The following FPGS variants were observed in gnomAD, a reference collection of about 807,000 sequenced individuals.
FPGS encodes the protein folylpolyglutamate synthase, also known as folylpolyglutamate synthase, mitochondrial.
Under a neutral mutation model 66.5 loss-of-function variants are expected in FPGS, and 53 were observed. That is an observed-to-expected ratio of 0.80 (90% confidence interval 0.64 to 1.00). The LOEUF (loss-of-function observed/expected upper bound fraction) is 1.00, where lower values mean the gene tolerates loss of function less well. FPGS is among the 50% of genes least tolerant of loss of function. The probability of loss-of-function intolerance (pLI) is 0.00; values close to 1 mark genes in which losing one functional copy is unlikely to be tolerated. For missense variants in FPGS, 702 were observed against 807.7 expected (o/e 0.87, Z 1.59); for synonymous variants, 348 against 350.9 (o/e 0.99, Z 0.09).
chr9:127,809,848 C>G lies in FPGS; in HGVS notation c.1211+14C>G. On this transcript the variant is annotated intron_variant, in intron 12 of 14. Transcript: ENST00000373247. Reference sequence around the variant, plus strand: ...GAGGCCGAGCGGGTGAGGGGCAGGGCTGGGGGTGGGGCCGGGGCTGGCCCA... The same window carrying G: ...GAGGCCGAGCGGGTGAGGGGCAGGGGTGGGGGTGGGGCCGGGGCTGGCCCA... 1 of 934,416 alleles carries G rather than the reference C, an allele frequency of 1.1e-6. No individual in the cohort carries two copies. Among genetic ancestry groups the G allele is most frequent in the Non-Finnish European group, 1.5e-6 (1 of 681,036 alleles). 57.9% of individuals were successfully genotyped at this position (934,416 alleles called of 1,614,324 possible).
Position 127,813,947 on chromosome 9 carries a change from C to T in FPGS, c.*343C>T. Reference sequence around the variant, plus strand: ...GCCAGGCCCTGGGTCTTGCCATGTGCTGGGTGGTAGATTTCCTCCTCCCAG... The same window carrying T: ...GCCAGGCCCTGGGTCTTGCCATGTGTTGGGTGGTAGATTTCCTCCTCCCAG... On this transcript the variant is annotated 3_prime_UTR_variant, in exon 15 of 15. Transcript: ENST00000373247. 9.1e-7 allele frequency: 1 copy of T among 1,102,128 alleles called. No homozygotes were observed. The highest frequency in any genetic ancestry group is 1.1e-6 in the Non-Finnish European group (1 of 905,940). The allele number at this position is 1,102,128 out of a possible 1,614,324, so 68.3% of individuals were successfully genotyped here. A position where few individuals can be genotyped will look rare whatever the true frequency, so the allele number is the denominator to read the frequency against.
chr9:127,814,152 A>T, downstream of FPGS: 1 of 985,968 alleles, frequency 1.0e-6, no homozygotes, highest in Non-Finnish European at 1.2e-6. Flanking sequence ...TGCACTGTGT[A>T]GAGGGAGCCT....
In FPGS at chr9:127,808,909, C is replaced by A; in HGVS notation, c.1060+20C>A. The A allele has an allele frequency of 6.5e-7, 1 of 1,534,898 alleles. No individual in the cohort carries two copies. The highest frequency in any genetic ancestry group is 8.8e-7 in the Non-Finnish European group (1 of 1,132,488). The stretch of plus-strand genomic sequence containing the variant: ...GGCTCGGTGAGTTAGACCTTCCTGC[C>A]CAGCTGGGACCACTGCGTGTGTCTG... On this transcript the variant is annotated intron_variant, in intron 11 of 14. Coordinates refer to ENST00000373247, the MANE Select transcript of FPGS (RefSeq NM_004957.6).
Position 127,808,723 on chromosome 9 carries a change from T to C in FPGS, c.970+18T>C, listed in dbSNP as rs1328609502. The C allele has an allele frequency of 1.1e-5, 18 of 1,572,824 alleles. No individual in the cohort carries two copies. Among genetic ancestry groups the C allele is most frequent in the Non-Finnish European group, 1.5e-5 (17 of 1,159,138 alleles). On this transcript the variant is annotated intron_variant, in intron 10 of 14. Coordinates refer to ENST00000373247, the MANE Select transcript of FPGS (RefSeq NM_004957.6). Reference sequence around the variant, plus strand: ...CCGCCATGGTGAGTGGGCAGCTGAGTGGGCAGGCAGGTGGGTGGCACCTGT... The same window carrying C: ...CCGCCATGGTGAGTGGGCAGCTGAGCGGGCAGGCAGGTGGGTGGCACCTGT...
At chr9:127,803,805 C>T (rs1178279580) in intron 1 of FPGS, among the ~76,000 whole-genome samples, 9 of 152,184 alleles carry the variant, frequency 5.9e-5, no homozygotes, top group Admixed American at 5.9e-4. Flanking sequence ...TGGCACACCC[C>T]TCCTCCCTCT....
intron 13 of FPGS, 132 bp from the exon 14 acceptor site, chr9:127,810,813 C>T: frequency 3.6e-6 from 2 of 555,456 alleles, no homozygotes. Flanking sequence ...AGTACCTTGG[C>T]TAGGTTTATA....
rs1588547418 is a variant in FPGS at position 127,802,950 on chromosome 9, G to C, written c.26G>C (p.Arg9Pro). 1 of 1,408,586 alleles carries C rather than the reference G, an allele frequency of 7.1e-7. No homozygotes were observed. Among genetic ancestry groups the C allele is most frequent in the Non-Finnish European group, 9.2e-7 (1 of 1,087,324 alleles). The allele number at this position is 1,408,586 out of a possible 1,614,324, so 87.3% of individuals were successfully genotyped here. Residue 9 changes from arginine (R) to proline (P), a missense_variant, in exon 1 of 15, where the codon CGC becomes CCC. Physicochemically the swap from Arg to Pro is moderately radical, Grantham distance 103. This residue lies in a region of FPGS where 111 missense variants were observed against 95.4 expected (regional missense o/e 1.16). Transcript: ENST00000373247. The part of the protein sequence containing the change: MSRARSHL[R>P]AALFLAAASA... The stretch of plus-strand genomic sequence containing the variant: ...ATGTCGCGGGCGCGGAGCCACCTGC[G>C]CGCCGCTCTATTCCTGGCAGCGGCG...
At chr9:127,808,106 G>A (rs1327001585) in intron 8 of FPGS, 128 bp from the exon 9 acceptor site, 5 of 713,266 alleles carry the variant, frequency 7.0e-6, no homozygotes, top group South Asian at 1.7e-5. Context: ...ACTTCATCTC[G>A]AAAAAGAAAA....
intron 1 of FPGS, chr9:127,803,371 G>T (rs1829684578): frequency 8.9e-7 from 1 of 1,127,024 alleles, no homozygotes; most frequent in Non-Finnish European, 1.1e-6. Flanking sequence ...AGTGATCCCG[G>T]AGTCTGAACC....
intron 8 of FPGS, 61 bp from the exon 9 acceptor site, chr9:127,808,173 C>T: frequency 7.9e-7 from 1 of 1,262,132 alleles, no homozygotes. Flanking sequence ...GATGTGGGGG[C>T]CAGAGATAGG....
At chr9:127,806,222 T>C (rs1469684526) in intron 4 of FPGS, among the ~76,000 whole-genome samples, 2 of 151,636 alleles carry the variant, frequency 1.3e-5, no homozygotes, top group South Asian at 4.2e-4. Flanking sequence ...TACCAAAAAA[T>C]TGGCTGGGCA....
In FPGS at chr9:127,808,265, C is replaced by G. The variant is rs1323383283; in HGVS notation, c.776C>G (p.Pro259Arg). Reference sequence around the variant, plus strand: ...GTCCCTGCCTTCACTGTGCTCCAACCTGAAGGTCCCCTGGCAGTGCTGAGG... The same window carrying G: ...GTCCCTGCCTTCACTGTGCTCCAACGTGAAGGTCCCCTGGCAGTGCTGAGG... ...QGVPAFTVLQ[P>R]EGPLAVLRDR... is the part of the protein sequence containing the mutation. Residue 259 changes from proline (P) to arginine (R), a missense_variant, in exon 9 of 15, where the codon CCT becomes CGT. Pro to Arg is a moderately radical substitution (Grantham distance 103). This residue lies in a region of FPGS where 240 missense variants were observed against 348.6 expected (regional missense o/e 0.69). Transcript: ENST00000373247. The G allele has an allele frequency of 6.2e-7, 1 of 1,614,000 alleles. No homozygotes were observed.
rs769167372 is a variant in FPGS, at chr9:127,813,278, G to C, written c.1438G>C (p.Glu480Gln). 2 of 1,613,082 alleles carry C rather than the reference G, an allele frequency of 1.2e-6. No individual in the cohort carries two copies. Among genetic ancestry groups the C allele is most frequent in the Non-Finnish European group, 8.5e-7 (1 of 1,179,902 alleles). Residue 480 changes from glutamate (E) to glutamine (Q), a missense_variant, in exon 15 of 15, where the codon GAG (glutamate) becomes CAG (glutamine). This residue lies in a region of FPGS where 351 missense variants were observed against 363.7 expected (regional missense o/e 0.97). Coordinates refer to ENST00000373247, the MANE Select transcript of FPGS (RefSeq NM_004957.6). Reference protein sequence around the residue: ...HQQHWNHLDEEQASPDLWSAP... With the variant: ...HQQHWNHLDEQQASPDLWSAP... The stretch of plus-strand genomic sequence containing the variant: ...GCAGCACTGGAACCACCTGGACGAA[G>C]AGCAGGCCAGCCCGGACCTCTGGAG...
chr9:127,809,715 G>A lies in FPGS; in HGVS notation c.1092G>A (p.Thr364=). 2 of 1,589,396 alleles carry A rather than the reference G, an allele frequency of 1.3e-6. No individual in the cohort carries two copies. The highest frequency in any genetic ancestry group is 2.2e-5 in the South Asian group (2 of 90,262). The stretch of plus-strand genomic sequence containing the variant: ...GGAACACGGAGTGGCCGGGCCGGAC[G>A]CAGGTGCTGCGGCGCGGGCCCCTCA... ...GLRNTEWPGR[T]QVLRRGPLTW... The change falls in exon 12 of 15, where the codon ACG becomes ACA. Residue 364 remains threonine (T), a synonymous_variant. Transcript: ENST00000373247.
In FPGS at chr9:127,807,525, C is replaced by T. The variant is rs371744637; in HGVS notation, c.641+43C>T. 6.2e-6 allele frequency: 10 copies of T among 1,612,420 alleles called. No homozygotes were observed. In the African/African-American group the frequency reaches 1.3e-4, roughly 22 times the overall value. ...GGACGAGGGGTGGCAGCCAGGAGCA[C>T]AGCCTCACCTGCCGCCTGGTGGCTC... On this transcript the variant is annotated intron_variant, in intron 7 of 14. Transcript: ENST00000373247. The surrounding 1 kb of genome is among the most constrained non-coding windows in gnomAD (Gnocchi z 5.8).
At position 127,809,730 on chromosome 9, in the gene FPGS, C is replaced by T. The variant is rs773094059; in HGVS notation, c.1107C>T (p.Arg369=). The T allele has an allele frequency of 4.5e-5, 72 of 1,587,114 alleles. No homozygotes were observed. Among genetic ancestry groups the T allele is most frequent in the Middle Eastern group, 1.8e-4 (1 of 5,504 alleles). ...EWPGRTQVLR[R]GPLTWYLDGA... ...CGGGCCGGACGCAGGTGCTGCGGCG[C>T]GGGCCCCTCACCTGGTACCTGGACG... Residue 369 remains arginine, a synonymous_variant, in exon 12 of 15, where the codon CGC becomes CGT. Transcript: ENST00000373247.
In FPGS at chr9:127,808,902, T is replaced by A; in HGVS notation, c.1060+13T>A. The A allele has an allele frequency of 6.5e-7, 1 of 1,548,220 alleles. No individual in the cohort carries two copies. The highest frequency in any genetic ancestry group is 8.7e-7 in the Non-Finnish European group (1 of 1,143,940). ...CACATGCGGCTCGGTGAGTTAGACCTTCCTGCCCAGCTGGGACCACTGCGT... is the reference window on the plus strand; with the variant it reads ...CACATGCGGCTCGGTGAGTTAGACCATCCTGCCCAGCTGGGACCACTGCGT... On this transcript the variant is annotated intron_variant, in intron 11 of 14. Transcript: ENST00000373247.
intron 14 of FPGS, among the ~76,000 whole-genome samples, chr9:127,812,489 C>T (rs1235839620): frequency 6.6e-6 from 1 of 151,800 alleles, no homozygotes; most frequent in African/African-American, 2.4e-5. Context: ...CGCCACTACA[C>T]CCGGCTAATT....
rs1233760865 is a variant in FPGS, at chr9:127,811,156, A to G, written c.1354+145A>G. The G allele has an allele frequency of 7.2e-6, 3 of 416,280 alleles. No individual in the cohort carries two copies. In the Admixed American group the frequency reaches 1.3e-4, roughly 17 times the overall value. The allele number at this position is 416,280 out of a possible 1,614,324, so 25.8% of individuals were successfully genotyped here. ...TTAGTGTACTTATACTCTTTTATAC[A>G]CCAAAGTATACTTTATTTAATTTTA... On this transcript the variant is annotated intron_variant, in intron 14 of 14. Transcript: ENST00000373247.
Sources: gnomAD v4.1 joint callset for allele counts (sites outside exome capture counted in the v4.1 genomes callset) on GRCh38, gnomAD v4.1.1 for gene constraint, gnomAD v4.1.1 regional missense constraint, Gnocchi (gnomAD v3.1) non-coding constraint, MANE v1.5 for transcripts, NCBI Gene and HGNC (gene_info 2026-07-23, HGNC 2026-07-21) for gene names.